FERMT1: variants seen among roughly 807,000 people sequenced by gnomAD.
FERMT1 encodes fermitin family homolog 1.
A neutral mutation model predicts 85.3 loss-of-function variants in FERMT1; 60 were observed. The ratio of observed to expected loss-of-function variants is 0.70; its 90% confidence interval spans 0.57 to 0.87. The LOEUF is 0.87. Among genes scored for constraint, FERMT1 ranks in the 40% least tolerant of loss-of-function variants. The pLI is 0.00. For synonymous variants in FERMT1, 275 were observed against 301.1 expected (o/e 0.91, Z 0.90); for missense variants, 701 against 818.9 (o/e 0.86, Z 1.76).
In FERMT1 at chr20:6,115,925, T is replaced by C. The variant is rs1376290661; in HGVS notation, c.271A>G (p.Thr91Ala). The C allele has an allele frequency of 6.2e-7, 1 of 1,614,050 alleles. No homozygotes were observed. Among genetic ancestry groups the C allele is most frequent in the South Asian group, 1.1e-5 (1 of 91,076 alleles). The change falls in exon 3 of 15, where the codon ACC becomes GCC. Residue 91 changes from threonine to alanine, a missense_variant. Coordinates refer to ENST00000217289, the MANE Select transcript of FERMT1 (RefSeq NM_017671.5). ...AGGCGCAGCATTTTATGCTGAGGGG[T>C]GAAGAGAAGCTTTGCATCTGCCTGG... ...GVQADAKLLF[T>A]PQHKMLRLRL...
intron 6 of FERMT1, among the ~76,000 whole-genome samples, chr20:6,105,188 T>C (rs1370965339): frequency 6.6e-6 from 1 of 152,186 alleles, no homozygotes; most frequent in African/African-American, 2.4e-5. Context: ...GAGTGAGTCC[T>C]GAAATTGTAC....
At chr20:6,091,094 C>T (rs943870251) in intron 9 of FERMT1, among the ~76,000 whole-genome samples, 14 of 151,008 alleles carry the variant, frequency 9.3e-5, no homozygotes, top group Non-Finnish European at 1.2e-4. Context: ...ATTCAGGAGG[C>T]GGAGGCTGCA....
At chr20:6,110,157 CCT>C in intron 5 of FERMT1, 139 bp downstream of exon 5, 2 of 735,566 alleles carry the variant, frequency 2.7e-6, no homozygotes, top group Non-Finnish European at 4.8e-6. Context: ...GAATTTTTCC[CCT>C]TTGTTGCTAA....
chr20:6,083,911 T>G, intron 13 of FERMT1, 129 bp downstream of exon 13: 1 of 1,097,116 alleles, frequency 9.1e-7, no homozygotes, highest in Non-Finnish European at 1.4e-6. Context: ...GTCAGGACTA[T>G]TTATAAAAGG....
intron 14 of FERMT1, 27 bp from the exon 15 acceptor site, chr20:6,077,373 T>G: frequency 1.2e-6 from 2 of 1,612,934 alleles, no homozygotes; most frequent in Non-Finnish European, 1.7e-6. Flanking sequence ...CAGAGAAGCT[T>G]AAACTCTGAC....
chr20:6,092,865 A>C (rs1982404873), intron 9 of FERMT1, among the ~76,000 whole-genome samples: 1 of 152,054 alleles, frequency 6.6e-6, no homozygotes, highest in African/African-American at 2.4e-5. Context: ...TGTGTGGCTG[A>C]TGCTGCGTTT....
chr20:6,110,074 A>ATAG (rs1400062438), intron 5 of FERMT1, among the ~76,000 whole-genome samples: 2 of 152,194 alleles, frequency 1.3e-5, no homozygotes, highest in African/African-American at 4.8e-5. Flanking sequence ...GTATTCACAG[A>ATAG]TAGTAAATCT....
chr20:6,115,803 G>A lies in FERMT1; in HGVS notation c.385+8C>T. 6.2e-7 allele frequency: 1 copy of A among 1,606,666 alleles called. No individual in the cohort carries two copies. The highest frequency in any genetic ancestry group is 2.2e-5 in the East Asian group (1 of 44,856). ...TACAGGGCACAGGGGCCTTTCCTGG[G>A]TACTTACTCAGGATTTTGCAGATAT... On this transcript the variant is annotated splice_region_variant and intron_variant, in intron 3 of 14. Coordinates refer to ENST00000217289, the MANE Select transcript of FERMT1 (RefSeq NM_017671.5).
intron 8 of FERMT1, among the ~76,000 whole-genome samples, chr20:6,096,677 T>C (rs1982505824): frequency 6.6e-6 from 1 of 151,846 alleles, no homozygotes; most frequent in African/African-American, 2.4e-5. Flanking sequence ...GGAAGAAATA[T>C]AACACAAAAG....
chr20:6,103,918 T>G (rs570348245), intron 6 of FERMT1, among the ~76,000 whole-genome samples: 5 of 152,146 alleles, frequency 3.3e-5, no homozygotes, highest in African/African-American at 9.6e-5. Flanking sequence ...TTGCCCAGGC[T>G]GTAGTGCAAC....
intron 3 of FERMT1, among the ~76,000 whole-genome samples, chr20:6,114,265 A>C (rs977255697): frequency 6.6e-6 from 1 of 152,228 alleles, no homozygotes; most frequent in African/African-American, 2.4e-5. Flanking sequence ...AATGAAACAG[A>C]AACACCTGTA....
In FERMT1 at chr20:6,085,276, G is replaced by A. The variant is rs142328166; in HGVS notation, c.1383C>T (p.Tyr461=). 469 of 1,613,418 alleles carry A rather than the reference G, an allele frequency of 2.9e-4. 1 individual carries two copies. In the African/African-American group the frequency reaches 5.0e-3, roughly 17 times the overall value. The part of the protein sequence containing the change: ...MYLRCDHENQ[Y]AQWMAACMLA... Reference sequence around the variant, plus strand: ...ACATGCAGGCAGCCATCCATTGGGCGTATTGATTCTCCTGCAGCAAACAGA... The same window carrying A: ...ACATGCAGGCAGCCATCCATTGGGCATATTGATTCTCCTGCAGCAAACAGA... The change falls in exon 12 of 15, where the codon TAC becomes TAT. Residue 461 remains tyrosine, a synonymous_variant. Coordinates refer to ENST00000217289, the MANE Select transcript of FERMT1 (RefSeq NM_017671.5).
rs958047140 is a variant in FERMT1, at chr20:6,097,170, G to C, written c.958-137C>G. The C allele has an allele frequency of 3.4e-6, 3 of 894,794 alleles. No individual in the cohort carries two copies. The South Asian group carries it at 4.2e-5, about 13-fold the overall frequency. 55.4% of individuals were successfully genotyped at this position (894,794 alleles called of 1,614,324 possible). A position where few individuals can be genotyped will look rare whatever the true frequency, so the allele number is the denominator to read the frequency against. ...TCTCCTAAACAGAGGTCTCCTTCCCGTGTGGGGAAAATGACATTTTAACCT... is the reference window on the plus strand; with the variant it reads ...TCTCCTAAACAGAGGTCTCCTTCCCCTGTGGGGAAAATGACATTTTAACCT... On this transcript the variant is annotated intron_variant, in intron 7 of 14. Coordinates refer to ENST00000217289, the MANE Select transcript of FERMT1 (RefSeq NM_017671.5).
chr20:6,120,923 A>T (rs1327962592), intron 1 of FERMT1, among the ~76,000 whole-genome samples: 2 of 152,216 alleles, frequency 1.3e-5, no homozygotes, highest in Non-Finnish European at 2.9e-5. Context: ...TCCGAGGAAC[A>T]TTACTTTTAA....
chr20:6,112,806 G>A lies in FERMT1; in HGVS notation c.386-183C>T, dbSNP rs566812516. 2.0e-5 allele frequency among the ~76,000 whole-genome samples: 3 copies of A among 152,304 alleles called. No homozygotes were observed. In the East Asian group the frequency reaches 5.8e-4, roughly 29 times the overall value. On this transcript the variant is annotated intron_variant, in intron 3 of 14. Coordinates refer to ENST00000217289, the MANE Select transcript of FERMT1 (RefSeq NM_017671.5). ...GGGAACAGAGACCTCCAAAGTAGGTGGGGGGAGAAAACGGTGGAGGGAGAT... is the reference window on the plus strand; with the variant it reads ...GGGAACAGAGACCTCCAAAGTAGGTAGGGGGAGAAAACGGTGGAGGGAGAT...
At chr20:6,117,435 A>ATTTTT (rs200977686) in intron 2 of FERMT1, among the ~76,000 whole-genome samples, 1 of 124,764 alleles carries the variant, frequency 8.0e-6, no homozygotes, top group African/African-American at 3.1e-5. Context: ...TGTCAGTCTA[A>ATTTTT]TTTTTTTTTT....
Position 6,083,959 on chromosome 20 carries a change from C to T in FERMT1, c.1718+81G>A, listed in dbSNP as rs2232080. On this transcript the variant is annotated intron_variant, in intron 13 of 14. Transcript: ENST00000217289. Reference sequence around the variant, plus strand: ...AATAAAAAGCATTCTATATTCTATGCTAAATGAGAAAACTGGGGCTCCCCA... The same window carrying T: ...AATAAAAAGCATTCTATATTCTATGTTAAATGAGAAAACTGGGGCTCCCCA... 159,528 of 1,512,770 alleles carry T rather than the reference C, an allele frequency of 0.11. 9,208 individuals carry two copies. Among genetic ancestry groups the T allele is most frequent in the African/African-American group, 0.21 (15,243 of 72,762 alleles). 93.7% of individuals were successfully genotyped at this position (1,512,770 alleles called of 1,614,324 possible).
intron 6 of FERMT1, among the ~76,000 whole-genome samples, chr20:6,103,827 T>C (rs971246404): frequency 1.8e-4 from 27 of 146,448 alleles, no homozygotes; most frequent in Non-Finnish European, 3.0e-4. Context: ...AATGTACCAA[T>C]CTTTTCTGGA....
At chr20:6,089,417 T>A (rs1472513371) in intron 9 of FERMT1, among the ~76,000 whole-genome samples, 1 of 152,168 alleles carries the variant, frequency 6.6e-6, no homozygotes, top group Non-Finnish European at 1.5e-5. Flanking sequence ...AGGGCTTTTG[T>A]GAGGACAGAA....
Sources: gnomAD v4.1 joint callset for allele counts (sites outside exome capture counted in the v4.1 genomes callset) on GRCh38, gnomAD v4.1.1 for gene constraint, MANE v1.5 for transcripts, NCBI Gene and HGNC (gene_info 2026-07-23, HGNC 2026-07-21) for gene names.